Variants in ISG20 observed in about 807,000 individuals in gnomAD.
The protein encoded by ISG20 is interferon-stimulated gene 20 kDa protein.
ISG20 carries 8 observed loss-of-function variants against 11.1 expected under a neutral mutation model. The observed-to-expected ratio is 0.72, with a 90% CI of 0.42 to 1.30. The LOEUF is 1.30. ISG20 is among the 50% of genes most tolerant of loss of function. The pLI, the probability that ISG20 is intolerant of heterozygous loss-of-function variation, is 0.01. For synonymous variants in ISG20, 110 were observed against 101.7 expected (o/e 1.08, Z -0.49); for missense variants, 243 against 250.2 (o/e 0.97, Z 0.19).
intron 3 of ISG20, among the ~76,000 whole-genome samples, chr15:88,654,277 C>T (rs58383894): frequency 2.0e-5 from 3 of 152,048 alleles, no homozygotes; most frequent in East Asian, 3.9e-4. Context: ...AGAGGCACAG[C>T]GCAGACGACG....
chr15:88,650,144 C>T lies in ISG20; in HGVS notation c.229-1966C>T, dbSNP rs958158865. 97 of 1,077,452 alleles carry T rather than the reference C, an allele frequency of 9.0e-5. No homozygotes were observed. The highest frequency in any genetic ancestry group is 1.9e-4 in the Middle Eastern group (1 of 5,132). 66.7% of individuals were successfully genotyped at this position (1,077,452 alleles called of 1,614,324 possible). A position where few individuals can be genotyped will look rare whatever the true frequency, so the allele number is the denominator to read the frequency against. On this transcript the variant is annotated intron_variant, in intron 2 of 3. Coordinates refer to ENST00000306072, the MANE Select transcript of ISG20 (RefSeq NM_002201.6). This position sits in a 1 kb window ranked among gnomAD's most constrained non-coding sequence, Gnocchi z 4.0. ...CGTGGGCTACATGCAGAGAAGGAGA[C>T]GAAGGCTGTCCTAGAGCTGTCCAAA...
At chr15:88,653,794 G>T (rs186981135) in intron 3 of ISG20, among the ~76,000 whole-genome samples, 2 of 151,508 alleles carry the variant, frequency 1.3e-5, no homozygotes, top group Non-Finnish European at 2.9e-5. Flanking sequence ...AGCTAACATG[G>T]TAGAGCTGTC....
Position 88,643,984 on chromosome 15 carries a change from G to A in ISG20, c.228+4390G>A, listed in dbSNP as rs1161632247. On this transcript the variant is annotated intron_variant, in intron 2 of 3. Transcript: ENST00000306072. The surrounding 1 kb of genome is among the most constrained non-coding windows in gnomAD (Gnocchi z 4.4). ...TTAGGATTCTGGAGCATTTGTATTTGGGATGCTGTACCTGTATCAACAGTA... is the reference window on the plus strand; with the variant it reads ...TTAGGATTCTGGAGCATTTGTATTTAGGATGCTGTACCTGTATCAACAGTA... Among the ~76,000 whole-genome samples, 1 of 152,152 alleles carries A rather than the reference G, an allele frequency of 6.6e-6. No individual in the cohort carries two copies. Among genetic ancestry groups the A allele is most frequent in the African/African-American group, 2.4e-5 (1 of 41,448 alleles).
In ISG20 at chr15:88,650,340, C is replaced by G; in HGVS notation, c.229-1770C>G. On this transcript the variant is annotated intron_variant, in intron 2 of 3. Coordinates refer to ENST00000306072, the MANE Select transcript of ISG20 (RefSeq NM_002201.6). The surrounding 1 kb of genome is among the most constrained non-coding windows in gnomAD (Gnocchi z 4.0). ...CATGTGGGAGGCGAGGCGAGGAACG[C>G]GGGGCTGGGGCAGTCACAGCTGGGC... 1 of 1,535,242 alleles carries G rather than the reference C, an allele frequency of 6.5e-7. No individual in the cohort carries two copies. The highest frequency in any genetic ancestry group is 2.4e-5 in the East Asian group (1 of 40,904).
Position 88,643,805 on chromosome 15 carries a change from A to T in ISG20, c.228+4211A>T, listed in dbSNP as rs895661915. Among the ~76,000 whole-genome samples, 1 of 152,174 alleles carries T rather than the reference A, an allele frequency of 6.6e-6. No homozygotes were observed. The highest frequency in any genetic ancestry group is 1.5e-5 in the Non-Finnish European group (1 of 68,024). On this transcript the variant is annotated intron_variant, in intron 2 of 3. Transcript: ENST00000306072. This position sits in a 1 kb window ranked among gnomAD's most constrained non-coding sequence, Gnocchi z 4.4. ...GTAGCCCTTATCTGAAATGCTGGGG[A>T]CCAGAAGGGTTTTGGATTTTGGATT...
At chr15:88,651,198 A>T (rs2058268030) in intron 2 of ISG20, 2 of 985,452 alleles carry the variant, frequency 2.0e-6, no homozygotes, top group South Asian at 9.4e-5. Context: ...AACTTGTTTT[A>T]AAATCATCAG....
upstream of ISG20, among the ~76,000 whole-genome samples, chr15:88,638,394 G>A (rs866361954): frequency 3.9e-5 from 6 of 152,212 alleles, no homozygotes; most frequent in East Asian, 1.9e-4. Context: ...CGGGCTGGTG[G>A]GGCCTCCCCG....
In ISG20 at chr15:88,650,318, G is replaced by A. The variant is rs1404067247; in HGVS notation, c.229-1792G>A. Reference sequence around the variant, plus strand: ...GACCAGAGCAGGGCAGGCTGTCCATGTGGGAGGCGAGGCGAGGAACGCGGG... The same window carrying A: ...GACCAGAGCAGGGCAGGCTGTCCATATGGGAGGCGAGGCGAGGAACGCGGG... On this transcript the variant is annotated intron_variant, in intron 2 of 3. Transcript: ENST00000306072. This position sits in a 1 kb window ranked among gnomAD's most constrained non-coding sequence, Gnocchi z 4.0. 2.0e-6 allele frequency: 3 copies of A among 1,535,634 alleles called. No individual in the cohort carries two copies. The highest frequency in any genetic ancestry group is 1.4e-5 in the African/African-American group (1 of 73,158).
chr15:88,636,724 A>C (rs1298856755), upstream of ISG20, among the ~76,000 whole-genome samples: 1 of 152,154 alleles, frequency 6.6e-6, no homozygotes, highest in Non-Finnish European at 1.5e-5. Context: ...TTTAGAGATG[A>C]GATCTCCCTG....
At chr15:88,641,821 G>T (rs1483795741) in intron 2 of ISG20, among the ~76,000 whole-genome samples, 4 of 151,816 alleles carry the variant, frequency 2.6e-5, no homozygotes, top group Non-Finnish European at 5.9e-5. Context: ...TAGTAGAGAT[G>T]GGGTTTTACC....
At chr15:88,651,728 G>C (rs1482068016) in intron 2 of ISG20, 1 of 982,316 alleles carries the variant, frequency 1.0e-6, no homozygotes, top group Non-Finnish European at 1.2e-6. Flanking sequence ...TGGGGACTAG[G>C]GTGTGGACAT....
chr15:88,642,221 GC>G (rs1159747161), intron 2 of ISG20, among the ~76,000 whole-genome samples: 1 of 151,992 alleles, frequency 6.6e-6, no homozygotes, highest in Admixed American at 6.6e-5. Flanking sequence ...GAATCACTGT[GC>G]CCAGCCAACT....
Position 88,643,164 on chromosome 15 carries a change from G to A in ISG20, c.228+3570G>A, listed in dbSNP as rs2058110801. ...GGTGAAGTATTGCTTGAGCCCAGGA[G>A]TTTGAGGCTGTACTGAGCTATGATC... is the stretch of plus-strand genomic sequence containing the variant. On this transcript the variant is annotated intron_variant, in intron 2 of 3. Coordinates refer to ENST00000306072, the MANE Select transcript of ISG20 (RefSeq NM_002201.6). The surrounding 1 kb of genome is among the most constrained non-coding windows in gnomAD (Gnocchi z 4.4). Among the ~76,000 whole-genome samples, 1 of 152,082 alleles carries A rather than the reference G, an allele frequency of 6.6e-6. No homozygotes were observed. Among genetic ancestry groups the A allele is most frequent in the Admixed American group, 6.5e-5 (1 of 15,272 alleles).
rs562535832 is a variant in ISG20, at chr15:88,655,560, T to C, written c.*29T>C. 78 of 1,548,714 alleles carry C rather than the reference T, an allele frequency of 5.0e-5. No homozygotes were observed. The South Asian group carries it at 8.5e-4, about 17-fold the overall frequency. ...CCCATCCAGCCCGTTCCGCAGGGAC[T>C]AGAGGCTTTCGGCTTTTTGGGACAG... On this transcript the variant is annotated 3_prime_UTR_variant, in exon 4 of 4. Coordinates refer to ENST00000306072, the MANE Select transcript of ISG20 (RefSeq NM_002201.6).
At chr15:88,640,098 G>A (rs898599870) in intron 2 of ISG20, among the ~76,000 whole-genome samples, 1 of 152,138 alleles carries the variant, frequency 6.6e-6, no homozygotes, top group Non-Finnish European at 1.5e-5. Context: ...CGTGGTCCAG[G>A]GATTTCCTGC....
chr15:88,639,189 G>A lies in ISG20; in HGVS notation c.-25+113G>A. The A allele has an allele frequency of 3.3e-6, 2 of 607,462 alleles. No individual in the cohort carries two copies. Among genetic ancestry groups the A allele is most frequent in the Non-Finnish European group, 5.8e-6 (2 of 342,998 alleles). The allele number at this position is 607,462 out of a possible 1,614,324, so 37.6% of individuals were successfully genotyped here. A position where few individuals can be genotyped will look rare whatever the true frequency, so the allele number is the denominator to read the frequency against. ...GGACACACGGGCAGGGTAAGGCAGGGGATGGGGGAGGCAAGAGGCCAGCTT... is the reference window on the plus strand; with the variant it reads ...GGACACACGGGCAGGGTAAGGCAGGAGATGGGGGAGGCAAGAGGCCAGCTT... On this transcript the variant is annotated intron_variant, in intron 1 of 3. Coordinates refer to ENST00000306072, the MANE Select transcript of ISG20 (RefSeq NM_002201.6). This position sits in a 1 kb window ranked among gnomAD's most constrained non-coding sequence, Gnocchi z 4.2.
At chr15:88,646,331 T>C (rs75079208) in intron 2 of ISG20, among the ~76,000 whole-genome samples, 1,580 of 152,306 alleles carry the variant, frequency 0.01, 30 homozygotes, top group African/African-American at 0.036. Context: ...ATGAGGAAAC[T>C]GAGGTATGAG....
chr15:88,637,751 G>A (rs111594380), upstream of ISG20, among the ~76,000 whole-genome samples: 2,657 of 152,248 alleles, frequency 0.017, 80 homozygotes, highest in African/African-American at 0.06. Flanking sequence ...GTCCTATGGG[G>A]ATTGTAGAAT....
chr15:88,652,288 G>A lies in ISG20; in HGVS notation c.407G>A (p.Arg136His), dbSNP rs143995600. The A allele has an allele frequency of 1.5e-4, 247 of 1,613,230 alleles. No individual in the cohort carries two copies. In the African/African-American group the frequency reaches 2.2e-3, roughly 14 times the overall value. The stretch of plus-strand genomic sequence containing the variant: ...GTCTCCCTGCGGGTGCTGAGTGAGC[G>A]CCTCCTACACAAGAGCATCCAGGTG... Reference protein sequence around the residue: ...RRVSLRVLSERLLHKSIQNSL... With the variant: ...RRVSLRVLSEHLLHKSIQNSL... Residue 136 changes from arginine (R) to histidine (H), a missense_variant, in exon 3 of 4, where the codon CGC becomes CAC. Physicochemically the swap from Arg to His is conservative, Grantham distance 29. Transcript: ENST00000306072.
Sources: gnomAD v4.1 joint callset for allele counts (sites outside exome capture counted in the v4.1 genomes callset) on GRCh38, gnomAD v4.1.1 for gene constraint, Gnocchi (gnomAD v3.1) non-coding constraint, MANE v1.5 for transcripts, NCBI Gene and HGNC (gene_info 2026-07-23, HGNC 2026-07-21) for gene names.